Variants in WWP2 observed in about 807,000 individuals in gnomAD.
WWP2 encodes the protein WW domain containing E3 ubiquitin protein ligase 2, also known as NEDD4-like E3 ubiquitin-protein ligase WWP2.
Under a neutral mutation model 121.0 loss-of-function variants are expected in WWP2, and 57 were observed. The ratio of observed to expected loss-of-function variants is 0.47; its 90% CI spans 0.38 to 0.59. WWP2 has a LOEUF of 0.59. Ranked by LOEUF, WWP2 falls within the 20% of genes least tolerant of loss-of-function variation. WWP2 has a pLI of 0.00. For missense variants in WWP2, 962 were observed against 1,158.9 expected, an observed-to-expected ratio of 0.83 and a Z score of 2.47; for synonymous variants, 449 against 441.3, an observed-to-expected ratio of 1.02 and a Z score of -0.22.
chr16:69,892,955 G>GACCT (rs2151943915), intron 8 of WWP2, among the ~76,000 whole-genome samples: 1 of 152,348 alleles, frequency 6.6e-6, no homozygotes, highest in South Asian at 2.1e-4. Flanking sequence ...AAAAAGGCCT[G>GACCT]TGTAATATGA....
At chr16:69,891,342 A>T (rs557620652) in intron 8 of WWP2, among the ~76,000 whole-genome samples, 45 of 152,316 alleles carry the variant, frequency 3.0e-4, no homozygotes, top group South Asian at 6.2e-4. Context: ...TCTAATTCCA[A>T]TACCAACAAA....
intron 7 of WWP2, among the ~76,000 whole-genome samples, chr16:69,875,471 T>C (rs1220720113): frequency 6.6e-6 from 1 of 152,216 alleles, no homozygotes; most frequent in Non-Finnish European, 1.5e-5. Flanking sequence ...TCATCAAAGA[T>C]TTCTCTGTAG....
chr16:69,811,519 G>A (rs2056392219), intron 4 of WWP2, among the ~76,000 whole-genome samples: 1 of 152,098 alleles, frequency 6.6e-6, no homozygotes, highest in South Asian at 2.1e-4. Context: ...AGGCTGAGGT[G>A]GGAGGCCCTC....
At chr16:69,795,534 A>G (rs1380696959) in intron 2 of WWP2, among the ~76,000 whole-genome samples, 1 of 152,096 alleles carries the variant, frequency 6.6e-6, no homozygotes, top group African/African-American at 2.4e-5. Flanking sequence ...TAGTGATGCT[A>G]TAGACACATA....
intron 11 of WWP2, among the ~76,000 whole-genome samples, chr16:69,927,331 T>C (rs2058654101): frequency 6.6e-6 from 1 of 152,010 alleles, no homozygotes; most frequent in Non-Finnish European, 1.5e-5. Context: ...GGTGTCCCTC[T>C]CTGCTGCCCC....
intron 16 of WWP2, among the ~76,000 whole-genome samples, chr16:69,933,402 G>A (rs1313815241): frequency 6.6e-6 from 1 of 152,168 alleles, no homozygotes; most frequent in Non-Finnish European, 1.5e-5. Context: ...AGGGCAAAGT[G>A]CAAGAGTGTT....
At chr16:69,787,546 C>T (rs1203002351) in intron 2 of WWP2, among the ~76,000 whole-genome samples, 3 of 152,128 alleles carry the variant, frequency 2.0e-5, no homozygotes, top group Non-Finnish European at 4.4e-5. Context: ...GCTGTGATCA[C>T]ACCACTGCAC....
chr16:69,875,534 T>C (rs1230698648), intron 7 of WWP2, among the ~76,000 whole-genome samples: 1 of 152,260 alleles, frequency 6.6e-6, no homozygotes, highest in African/African-American at 2.4e-5. Flanking sequence ...CTTTCAAATT[T>C]GCAGTCAATT....
rs2058790288 is a variant in WWP2 at position 69,935,894 on chromosome 16, C to G, written c.1884C>G (p.Leu628=). Residue 628 remains leucine, a synonymous_variant, in exon 18 of 24, where the codon CTC becomes CTG. Transcript: ENST00000359154. This position sits in a 1 kb window ranked among gnomAD's most constrained non-coding sequence, Gnocchi z 5.2. ...HGKFIDTGFT[L]PFYKRMLNKR... The stretch of plus-strand genomic sequence containing the variant: ...AGTTCATCGACACGGGCTTCACCCT[C>G]CCTTTCTACAAGCGGATGCTCAATA... 2 of 1,614,062 alleles carry G rather than the reference C, an allele frequency of 1.2e-6. No homozygotes were observed. The highest frequency in any genetic ancestry group is 1.7e-6 in the Non-Finnish European group (2 of 1,180,026).
chr16:69,932,915 T>C (rs1344948824), intron 16 of WWP2, among the ~76,000 whole-genome samples: 2 of 152,208 alleles, frequency 1.3e-5, no homozygotes, highest in Non-Finnish European at 2.9e-5. Flanking sequence ...CCTCTCCCGG[T>C]GTGGGCATGT....
At chr16:69,906,337 G>T (rs996115240) in intron 8 of WWP2, among the ~76,000 whole-genome samples, 1 of 152,140 alleles carries the variant, frequency 6.6e-6, no homozygotes, top group Admixed American at 6.5e-5. Context: ...CTCCCACAGT[G>T]CTGGGATTAC....
At chr16:69,792,782 C>A (rs544542898) in intron 2 of WWP2, among the ~76,000 whole-genome samples, 1 of 152,290 alleles carries the variant, frequency 6.6e-6, no homozygotes, top group East Asian at 1.9e-4. Context: ...GCCTCGACCT[C>A]CTGGGCTCCA....
intron 5 of WWP2, among the ~76,000 whole-genome samples, 172 bp from the exon 6 acceptor site, chr16:69,841,852 T>C (rs2056984337): frequency 6.6e-6 from 1 of 152,198 alleles, no homozygotes; most frequent in African/African-American, 2.4e-5. Context: ...CGGATCCATA[T>C]GATCGTCCCT....
chr16:69,929,851 A>G (rs1675306731), intron 12 of WWP2, among the ~76,000 whole-genome samples: 1 of 152,214 alleles, frequency 6.6e-6, no homozygotes. Context: ...AACACCCCCA[A>G]GTGAAGCTGT....
At chr16:69,924,887 G>T (rs1450913459) in intron 10 of WWP2, 1 of 981,722 alleles carries the variant, frequency 1.0e-6, no homozygotes. Flanking sequence ...GGTTGGGGGG[G>T]ACGCCGAGGT....
chr16:69,937,149 G>T lies in WWP2; in HGVS notation c.2149G>T (p.Val717Leu). The T allele has an allele frequency of 6.2e-7, 1 of 1,614,062 alleles. No homozygotes were observed. ...GACTGACTGGCGTTTCACCCGAGGC[G>T]TGGAAGAGCAGACCAAAGCCTTCCT... is the stretch of plus-strand genomic sequence containing the variant. ...LLTDWRFTRG[V>L]EEQTKAFLDG... Residue 717 changes from valine to leucine, a missense_variant, in exon 20 of 24, where the codon GTG (valine) becomes TTG (leucine). Val to Leu is a conservative substitution (Grantham distance 32, BLOSUM62 1). Coordinates refer to ENST00000359154, the MANE Select transcript of WWP2 (RefSeq NM_001270454.2). This position sits in a 1 kb window ranked among gnomAD's most constrained non-coding sequence, Gnocchi z 6.6.
chr16:69,915,705 TC>T (rs1482447698), intron 9 of WWP2, among the ~76,000 whole-genome samples: 1 of 152,114 alleles, frequency 6.6e-6, no homozygotes, highest in Non-Finnish European at 1.5e-5. Context: ...TTCATTATAT[TC>T]CCTGCAGTCC....
At position 69,799,210 on chromosome 16, in the gene WWP2, C is replaced by T. The variant is rs774251870; in HGVS notation, c.255C>T (p.Val85=). ...VTAQSHLDLK[V]WSCHTLRNEL... ...CACAGAGTCATTTAGATTTAAAGGT[C>T]TGGAGCTGCCATACCTTGAGAAATG... The change falls in exon 4 of 24, where the codon GTC becomes GTT. Residue 85 remains valine, a synonymous_variant. Coordinates refer to ENST00000359154, the MANE Select transcript of WWP2 (RefSeq NM_001270454.2). This position sits in a 1 kb window ranked among gnomAD's most constrained non-coding sequence, Gnocchi z 4.5. 6.2e-7 allele frequency: 1 copy of T among 1,614,042 alleles called. No individual in the cohort carries two copies. Among genetic ancestry groups the T allele is most frequent in the Non-Finnish European group, 8.5e-7 (1 of 1,179,984 alleles).
chr16:69,802,908 G>C (rs1440183132), intron 4 of WWP2, among the ~76,000 whole-genome samples: 1 of 151,914 alleles, frequency 6.6e-6, no homozygotes, highest in African/African-American at 2.4e-5. Context: ...TCTGGCCCAA[G>C]ATATCTTATT....
Sources: allele counts gnomAD v4.1 joint callset (sites outside exome capture counted in the v4.1 genomes callset), GRCh38; gene constraint gnomAD v4.1.1; non-coding constraint Gnocchi (gnomAD v3.1); transcripts MANE v1.5; gene names NCBI Gene and HGNC (gene_info 2026-07-23, HGNC 2026-07-21).